GPHN: variants seen among roughly 807,000 people sequenced by gnomAD.
GPHN encodes the protein gephyrin.
In GPHN, 17 loss-of-function variants were observed where a neutral mutation model predicts 95.5. The observed-to-expected ratio is 0.18, with a 90% CI of 0.12 to 0.27. GPHN has a LOEUF of 0.27. Among genes scored for constraint, GPHN ranks in the 10% least tolerant of loss-of-function variants. GPHN has a pLI of 1.00. For missense variants in GPHN, 660 were observed against 978.1 expected (o/e 0.67, Z 4.34); for synonymous variants, 320 against 322.5 (o/e 0.99, Z 0.08).
At chr14:67,016,220 A>G (rs1290898085) in intron 9 of GPHN, among the ~76,000 whole-genome samples, 5 of 152,132 alleles carry the variant, frequency 3.3e-5, no homozygotes, top group Non-Finnish European at 1.5e-5. Context: ...GTCAAAGCCT[A>G]CAGATATTTT....
At chr14:66,993,587 A>G (rs1173326972) in intron 9 of GPHN, among the ~76,000 whole-genome samples, 2 of 152,184 alleles carry the variant, frequency 1.3e-5, no homozygotes, top group Non-Finnish European at 2.9e-5. Flanking sequence ...ATACAACTGG[A>G]AAAGATACAC....
At chr14:66,623,036 C>G (rs538882702) in intron 1 of GPHN, among the ~76,000 whole-genome samples, 2 of 152,066 alleles carry the variant, frequency 1.3e-5, no homozygotes, top group South Asian at 4.1e-4. Flanking sequence ...AAAGACATAC[C>G]TGAGACTGGG....
intron 18 of GPHN, among the ~76,000 whole-genome samples, chr14:67,159,169 C>G (rs1432724188): frequency 6.6e-6 from 1 of 152,056 alleles, no homozygotes; most frequent in Non-Finnish European, 1.5e-5. Flanking sequence ...CTCTTTTGTT[C>G]AAGGCTGTAT....
At chr14:67,586,896 C>A in the GPHN span, 2 of 1,530,008 alleles carry the variant, frequency 1.3e-6, no homozygotes, top group East Asian at 2.5e-5. Context: ...GGAGCCCACA[C>A]CACTGGGCCT....
intron 10 of GPHN, among the ~76,000 whole-genome samples, chr14:67,045,483 CTG>C (rs1215025199): frequency 1.3e-5 from 2 of 150,360 alleles, no homozygotes; most frequent in African/African-American, 2.4e-5. Context: ...CTCTGTCTCT[CTG>C]TGTGTGTCTG....
the GPHN span, among the ~76,000 whole-genome samples, chr14:67,640,987 G>A: frequency 6.6e-6 from 1 of 152,130 alleles, no homozygotes; most frequent in Non-Finnish European, 1.5e-5. Context: ...TGTATTAATG[G>A]TATGTCATAT....
At chr14:67,572,083 G>C in the GPHN span, 1 of 1,567,086 alleles carries the variant, frequency 6.4e-7, no homozygotes, top group Non-Finnish European at 8.7e-7. Flanking sequence ...CCTGGGCTGC[G>C]TGAGTCGGGG....
chr14:67,055,071 G>A (rs866385344), intron 10 of GPHN, among the ~76,000 whole-genome samples: 1 of 152,166 alleles, frequency 6.6e-6, no homozygotes, highest in African/African-American at 2.4e-5. Flanking sequence ...AAAAGCAATT[G>A]CAACAAAAGC....
chr14:67,047,853 C>T (rs1049867921), intron 10 of GPHN, among the ~76,000 whole-genome samples: 2 of 152,068 alleles, frequency 1.3e-5, no homozygotes, highest in African/African-American at 4.8e-5. Context: ...GCCAGCTACT[C>T]GATGGGGTGA....
At chr14:67,372,908 C>G in the GPHN span, among the ~76,000 whole-genome samples, 3 of 151,898 alleles carry the variant, frequency 2.0e-5, no homozygotes, top group African/African-American at 7.3e-5. Context: ...TGAATAGACA[C>G]TTTGCCAGAG....
chr14:67,312,851 T>G, the GPHN span: 2 of 616,316 alleles, frequency 3.2e-6, no homozygotes, highest in South Asian at 7.3e-5. Flanking sequence ...GTTTTTATGT[T>G]GTACCTGCAG....
the GPHN span, among the ~76,000 whole-genome samples, chr14:67,414,079 TATCC>T: frequency 6.6e-5 from 10 of 152,228 alleles, no homozygotes; most frequent in African/African-American, 2.4e-4. Context: ...AACTGTGGTC[TATCC>T]ATCTCCTTCC....
the GPHN span, among the ~76,000 whole-genome samples, chr14:67,339,645 T>C: frequency 3.9e-5 from 6 of 152,236 alleles, no homozygotes; most frequent in Admixed American, 3.9e-4. Context: ...GTGCTAATTC[T>C]CTAATGGCGT....
At chr14:67,254,130 G>T in the GPHN span, 3 of 136,836 alleles carry the variant, frequency 2.2e-5, no homozygotes, top group East Asian at 4.4e-4. Context: ...CACTGTATTG[G>T]TTTTTTATTT....
intron 3 of GPHN, among the ~76,000 whole-genome samples, chr14:66,804,582 T>A (rs1312505186): frequency 6.6e-6 from 1 of 152,190 alleles, no homozygotes; most frequent in African/African-American, 2.4e-5. Context: ...TTCTGGCTAA[T>A]TCTTCCTTAG....
intron 5 of GPHN, among the ~76,000 whole-genome samples, chr14:66,892,803 A>AGATG (rs1392181944): frequency 6.6e-6 from 1 of 152,188 alleles, no homozygotes; most frequent in Admixed American, 6.5e-5. Flanking sequence ...AAAGTTCTGG[A>AGATG]GATGGACAGT....
At chr14:67,549,670 C>T in the GPHN span, among the ~76,000 whole-genome samples, 22 of 152,264 alleles carry the variant, frequency 1.4e-4, no homozygotes, top group Non-Finnish European at 3.1e-4. Flanking sequence ...CTGTAGTGCT[C>T]GTGAACCATT....
At chr14:67,360,295 C>T in the GPHN span, 1 of 398,648 alleles carries the variant, frequency 2.5e-6, no homozygotes, top group South Asian at 1.3e-4. Flanking sequence ...GGCCTCTATT[C>T]GTTCAGCGCT....
chr14:67,608,507 G>C, the GPHN span, among the ~76,000 whole-genome samples: 2 of 152,180 alleles, frequency 1.3e-5, no homozygotes, highest in African/African-American at 4.8e-5. Context: ...CACTAATACA[G>C]AGGGACAACT....
Sources: allele counts gnomAD v4.1 joint callset (sites outside exome capture counted in the v4.1 genomes callset), GRCh38; gene constraint gnomAD v4.1.1; transcripts MANE v1.5; gene names NCBI Gene and HGNC (gene_info 2026-07-23, HGNC 2026-07-21).